The following ENOX1 variants were observed in gnomAD, a reference collection of about 807,000 sequenced individuals.
ENOX1 encodes the protein candidate growth-related and time keeping constitutive hydroquinone (NADH) oxidase.
ENOX1 carries 42 observed loss-of-function variants against 82.5 expected under a neutral mutation model. The ratio of observed to expected loss-of-function variants is 0.51; its 90% CI spans 0.40 to 0.66. The LOEUF (loss-of-function observed/expected upper bound fraction) is 0.66, where lower values mean the gene tolerates loss of function less well. Among genes scored for constraint, ENOX1 ranks in the 30% least tolerant of loss-of-function variants. ENOX1 has a pLI of 0.00. For missense variants in ENOX1, 608 were observed against 811.6 expected, an observed-to-expected ratio of 0.75 and a Z score of 3.05; for synonymous variants, 271 against 282.2, an observed-to-expected ratio of 0.96 and a Z score of 0.40.
intron 5 of ENOX1, among the ~76,000 whole-genome samples, chr13:43,389,957 G>C (rs2052669353): frequency 6.6e-6 from 1 of 152,080 alleles, no homozygotes; most frequent in South Asian, 2.1e-4. Flanking sequence ...AAATTTTTTG[G>C]TCTTCTGACC....
intron 5 of ENOX1, 39 bp downstream of exon 5, chr13:43,411,877 C>A: frequency 6.2e-7 from 1 of 1,612,288 alleles, no homozygotes; most frequent in Non-Finnish European, 8.5e-7. Flanking sequence ...CACCCTTCGG[C>A]ACTGCTGCAA....
chr13:43,510,082 T>C (rs998253817), intron 2 of ENOX1, among the ~76,000 whole-genome samples: 20 of 152,014 alleles, frequency 1.3e-4, no homozygotes, highest in African/African-American at 4.6e-4. Context: ...GAGATGGAAG[T>C]CACCAAAATA....
At chr13:43,613,938 A>AAAT (rs1566635397) in intron 2 of ENOX1, among the ~76,000 whole-genome samples, 247 of 151,860 alleles carry the variant, frequency 1.6e-3, no homozygotes, top group African/African-American at 5.5e-3. Flanking sequence ...TCTCAAAAAA[A>AAAT]AAATAAATAA....
At chr13:43,268,679 C>T (rs777012001) in intron 13 of ENOX1, among the ~76,000 whole-genome samples, 5 of 151,952 alleles carry the variant, frequency 3.3e-5, no homozygotes, top group South Asian at 2.1e-4. Flanking sequence ...CAATATAAAA[C>T]GATTATGTGT....
chr13:43,548,883 C>T (rs78453342), intron 2 of ENOX1, among the ~76,000 whole-genome samples: 6,701 of 152,214 alleles, frequency 0.044, 176 homozygotes, highest in Admixed American at 0.072. Flanking sequence ...TCAGATATTA[C>T]CTTCTGCAAA....
chr13:43,685,461 G>A (rs568339563), intron 1 of ENOX1, among the ~76,000 whole-genome samples: 3 of 152,084 alleles, frequency 2.0e-5, no homozygotes, highest in Non-Finnish European at 4.4e-5. Flanking sequence ...TGCGTACCTC[G>A]CTGCTGGCCT....
In ENOX1 at chr13:43,678,007, G is replaced by A. The variant is rs394223; in HGVS notation, c.-284-10463C>T. ...ATTTAGACTTCACTAATTCGGAATT[G>A]GTGAGGCAATAAAACATCATTTGAT... is the stretch of plus-strand genomic sequence containing the variant. On this transcript the variant is annotated intron_variant, in intron 1 of 16. Transcript: ENST00000690772. Among the ~76,000 whole-genome samples, 967 of 152,112 alleles carry A rather than the reference G, an allele frequency of 6.4e-3. 9 individuals are homozygous for A. The highest frequency in any genetic ancestry group is 0.022 in the African/African-American group (919 of 41,502).
intron 3 of ENOX1, among the ~76,000 whole-genome samples, chr13:43,445,122 T>TC (rs1555277757): frequency 7.8e-6 from 1 of 128,520 alleles, no homozygotes. Flanking sequence ...TCCTTCTTTC[T>TC]GGGTTTTTTT....
chr13:43,694,991 T>G (rs1442140205), intron 1 of ENOX1, among the ~76,000 whole-genome samples: 1 of 152,178 alleles, frequency 6.6e-6, no homozygotes, highest in Non-Finnish European at 1.5e-5. Context: ...CCATTCTGTT[T>G]CTTGCGACGA....
At chr13:43,720,047 GACAGAGA>G (rs1247705734) in intron 1 of ENOX1, among the ~76,000 whole-genome samples, 1 of 152,104 alleles carries the variant, frequency 6.6e-6, no homozygotes, top group Non-Finnish European at 1.5e-5. Flanking sequence ...CTAAAAATAA[GACAGAGA>G]ACAGTGTTTC....
chr13:43,719,872 A>T (rs2088447207), intron 1 of ENOX1, among the ~76,000 whole-genome samples: 1 of 152,188 alleles, frequency 6.6e-6, no homozygotes, highest in Non-Finnish European at 1.5e-5. Context: ...TAGAGAAGGT[A>T]TCAGACCTCA....
intron 1 of ENOX1, among the ~76,000 whole-genome samples, chr13:43,716,140 T>A (rs1340902650): frequency 6.6e-6 from 1 of 152,196 alleles, no homozygotes; most frequent in Non-Finnish European, 1.5e-5. Flanking sequence ...GCGCTCTGCT[T>A]TTTAGAGTTT....
intron 2 of ENOX1, among the ~76,000 whole-genome samples, chr13:43,512,940 G>A (rs1044733455): frequency 1.3e-5 from 2 of 152,104 alleles, no homozygotes; most frequent in Non-Finnish European, 2.9e-5. Flanking sequence ...GAGAGATAAT[G>A]ATGGGCAATA....
chr13:43,449,320 G>A (rs551840848), intron 3 of ENOX1, among the ~76,000 whole-genome samples: 1 of 152,338 alleles, frequency 6.6e-6, no homozygotes, highest in South Asian at 2.1e-4. Context: ...GAAACAAGTG[G>A]TTTCAGGGGA....
At chr13:43,542,748 T>A (rs2078798277) in intron 2 of ENOX1, among the ~76,000 whole-genome samples, 1 of 152,218 alleles carries the variant, frequency 6.6e-6, no homozygotes, top group African/African-American at 2.4e-5. Flanking sequence ...AGTGTCATCA[T>A]TCATTCAGAC....
In ENOX1 at chr13:43,349,022, C is replaced by A. The variant is rs113750447; in HGVS notation, c.824-4272G>T. On this transcript the variant is annotated intron_variant, in intron 8 of 16. Coordinates refer to ENST00000690772, the MANE Select transcript of ENOX1 (RefSeq NM_001347969.2). ...ATCCACTGGGGATCTTGGAATGTAT[C>A]CCCCAAAGGTAAGGGGAGACTACTG... Among the ~76,000 whole-genome samples the A allele has an allele frequency of 1.7e-3, 265 of 152,224 alleles. 1 individual carries two copies. The highest frequency in any genetic ancestry group is 6.0e-3 in the African/African-American group (248 of 41,524).
chr13:43,228,095 CTTTTTT>C (rs551861545), intron 15 of ENOX1, among the ~76,000 whole-genome samples: 7 of 84,722 alleles, frequency 8.3e-5, no homozygotes, highest in Admixed American at 1.5e-4. Context: ...CTCTTTGCAG[CTTTTTT>C]TTTTTTTTTT....
At chr13:43,285,810 CAAAAAAAAAA>C (rs11417324) in intron 12 of ENOX1, among the ~76,000 whole-genome samples, 1 of 67,460 alleles carries the variant, frequency 1.5e-5, no homozygotes, top group Admixed American at 2.4e-4. Context: ...GACTCTGTCT[CAAAAAAAAAA>C]AAAAAAAAAA....
intron 1 of ENOX1, among the ~76,000 whole-genome samples, chr13:43,727,972 C>A (rs779434082): frequency 1.3e-5 from 2 of 152,194 alleles, no homozygotes; most frequent in Admixed American, 1.3e-4. Context: ...GCTTCCCCAA[C>A]GCTATTTTCT....
Sources: gnomAD v4.1 joint callset for allele counts (sites outside exome capture counted in the v4.1 genomes callset) on GRCh38, gnomAD v4.1.1 for gene constraint, MANE v1.5 for transcripts, NCBI Gene and HGNC (gene_info 2026-07-23, HGNC 2026-07-21) for gene names.